PCM1: variants seen among roughly 807,000 people sequenced by gnomAD.
The protein encoded by PCM1 is pericentriolar material 1 protein.
PCM1 carries 157 observed loss-of-function variants against 241.9 expected under a neutral mutation model. The ratio of observed to expected loss-of-function variants is 0.65; its 90% CI spans 0.57 to 0.74. The LOEUF is 0.74. Ranked by LOEUF, PCM1 falls within the 30% of genes least tolerant of loss-of-function variation. PCM1 has a pLI of 0.00. For missense variants in PCM1, 3,478 were observed against 2,360.1 expected, an observed-to-expected ratio of 1.47 and a Z score of -9.81; for synonymous variants, 1,085 against 784.9, an observed-to-expected ratio of 1.38 and a Z score of -6.39.
Position 18,027,756 on chromosome 8 carries a change from A to C in PCM1, c.*94A>C. ...AAACATCTGATCTGTATAAAAATGT[A>C]AATTAGTTTGACACTGCTTTTTTGA... is the stretch of plus-strand genomic sequence containing the variant. On this transcript the variant is annotated 3_prime_UTR_variant, in exon 39 of 39. Coordinates refer to ENST00000325083, the MANE Select transcript of PCM1 (RefSeq NM_006197.4). 1.1e-6 allele frequency: 1 copy of C among 886,938 alleles called. No homozygotes were observed. The allele number at this position is 886,938 out of a possible 1,614,324, so 54.9% of individuals were successfully genotyped here. A position where few individuals can be genotyped will look rare whatever the true frequency, so the allele number is the denominator to read the frequency against.
At position 18,026,629 on chromosome 8, in the gene PCM1, G is replaced by C. The variant is rs150547945; in HGVS notation, c.6049+971G>C. ...ATAACTCTAAATATTATGATTCTTA[G>C]TTTTTAAGATGCAGATAATACCTCT... On this transcript the variant is annotated intron_variant, in intron 38 of 38. Transcript: ENST00000325083. Among the ~76,000 whole-genome samples, 622 of 152,122 alleles carry C rather than the reference G, an allele frequency of 4.1e-3. 3 individuals carry two copies. Among genetic ancestry groups the C allele is most frequent in the African/African-American group, 0.014 (573 of 41,494 alleles).
rs912138177 is a variant in PCM1 at position 17,962,598 on chromosome 8, T to A, written c.2463+424T>A. ...AAATAATTTCTGAAGTATATTTGAG[T>A]TCTACTTGTTTCTATTAATAGGCCA... On this transcript the variant is annotated intron_variant, in intron 16 of 38. Transcript: ENST00000325083. Among the ~76,000 whole-genome samples, 3 of 152,106 alleles carry A rather than the reference T, an allele frequency of 2.0e-5. No individual in the cohort carries two copies. The East Asian group carries it at 5.8e-4, about 29-fold the overall frequency.
chr8:17,983,117 C>T (rs567327323), intron 24 of PCM1: 4 of 376,728 alleles, frequency 1.1e-5, no homozygotes, highest in Non-Finnish European at 1.8e-5. Flanking sequence ...TTCAGGCAAA[C>T]AATTTTAAAG....
intron 21 of PCM1, among the ~76,000 whole-genome samples, chr8:17,967,931 A>G (rs1161851971): frequency 6.6e-6 from 1 of 152,112 alleles, no homozygotes; most frequent in East Asian, 1.9e-4. Flanking sequence ...GATGAGTGAC[A>G]CTGATCCTTT....
At position 17,942,127 on chromosome 8, in the gene PCM1, C is replaced by G. The variant is rs78123925; in HGVS notation, c.783+2266C>G. On this transcript the variant is annotated intron_variant, in intron 6 of 38. Coordinates refer to ENST00000325083, the MANE Select transcript of PCM1 (RefSeq NM_006197.4). Reference sequence around the variant, plus strand: ...TATAAATTGCGAGTATAATTTATAACACGTTCTTAAACCTTGACCATCAGT... The same window carrying G: ...TATAAATTGCGAGTATAATTTATAAGACGTTCTTAAACCTTGACCATCAGT... Among the ~76,000 whole-genome samples, 1,474 of 152,062 alleles carry G rather than the reference C, an allele frequency of 9.7e-3. 20 individuals are homozygous for G. The highest frequency in any genetic ancestry group is 0.032 in the African/African-American group (1,336 of 41,472).
intron 36 of PCM1, among the ~76,000 whole-genome samples, chr8:18,017,411 C>T (rs2129486966): frequency 6.6e-6 from 1 of 152,272 alleles, no homozygotes; most frequent in East Asian, 1.9e-4. Context: ...CTATATTAGT[C>T]ACCATAGCTG....
At chr8:18,019,758 TC>T (rs965548556) in intron 36 of PCM1, among the ~76,000 whole-genome samples, 1 of 152,014 alleles carries the variant, frequency 6.6e-6, no homozygotes. Flanking sequence ...GCTCGCTGGC[TC>T]CCCCCACCAC....
intron 18 of PCM1, 49 bp downstream of exon 18, chr8:17,964,817 T>G (rs1350777309): frequency 7.1e-7 from 1 of 1,400,968 alleles, no homozygotes; most frequent in South Asian, 1.2e-5. Flanking sequence ...GGCTCAGGTC[T>G]TTTTGACTGA....
At chr8:18,004,433 T>C (rs184038373) in intron 29 of PCM1, among the ~76,000 whole-genome samples, 17 of 152,298 alleles carry the variant, frequency 1.1e-4, no homozygotes, top group Non-Finnish European at 2.1e-4. Flanking sequence ...ACAACACTTA[T>C]CTTGTCACCT....
In PCM1 at chr8:17,937,282, C is replaced by A. The variant is rs1054753707; in HGVS notation, c.245C>A (p.Thr82Lys). The stretch of plus-strand genomic sequence containing the variant: ...AGGCGAAGAACAAAGACTCCACATA[C>A]GTTCCCACACAGTAGATACATGAGT... ...VGRRRTKTPH[T>K]FPHSRYMSQM... is the part of the protein sequence containing the mutation. Residue 82 changes from threonine to lysine, a missense_variant, in exon 4 of 39, where the codon ACG becomes AAG. Coordinates refer to ENST00000325083, the MANE Select transcript of PCM1 (RefSeq NM_006197.4). The A allele has an allele frequency of 6.2e-7, 1 of 1,609,716 alleles. No individual in the cohort carries two copies. The highest frequency in any genetic ancestry group is 1.1e-5 in the South Asian group (1 of 90,556).
At position 17,937,150 on chromosome 8, in the gene PCM1, A is replaced by G; in HGVS notation, c.113A>G (p.Gln38Arg). The G allele has an allele frequency of 6.4e-7, 1 of 1,566,724 alleles. No homozygotes were observed. The part of the protein sequence containing the change: ...RLNNMDWGAQ[Q>R]KKANRSSEKN... ...TTTTTAAAGGATTGGGGTGCCCAAC[A>G]GAAGAAAGCAAATAGATCATCAGAA... The change falls in exon 4 of 39, where the codon CAG (glutamine) becomes CGG (arginine). Residue 38 changes from glutamine (Q) to arginine (R), a missense_variant. Physicochemically the swap from Gln to Arg is conservative, Grantham distance 43. Transcript: ENST00000325083.
intron 6 of PCM1, among the ~76,000 whole-genome samples, chr8:17,941,409 T>TA (rs1478716111): frequency 6.6e-6 from 1 of 152,190 alleles, no homozygotes; most frequent in East Asian, 1.9e-4. Context: ...AACTGTGTGG[T>TA]ATGGTAATTC....
chr8:18,026,281 C>T (rs1182199094), intron 38 of PCM1, among the ~76,000 whole-genome samples: 3 of 107,218 alleles, frequency 2.8e-5, no homozygotes, highest in Admixed American at 1.2e-4. Flanking sequence ...TTTTTTGAGA[C>T]AGAGTCTCTG....
At chr8:17,944,857 A>G (rs1161953180) in intron 6 of PCM1, among the ~76,000 whole-genome samples, 2 of 152,184 alleles carry the variant, frequency 1.3e-5, no homozygotes, top group East Asian at 3.8e-4. Flanking sequence ...ATTCATTTTT[A>G]GATTAGTGAG....
At chr8:17,932,206 TG>T (rs1039353998) in intron 2 of PCM1, among the ~76,000 whole-genome samples, 3 of 152,302 alleles carry the variant, frequency 2.0e-5, no homozygotes, top group African/African-American at 7.2e-5. Context: ...CATTTAGTGT[TG>T]TTTTTTAATT....
At chr8:18,000,686 A>G (rs1019738266) in intron 29 of PCM1, among the ~76,000 whole-genome samples, 48 of 152,192 alleles carry the variant, frequency 3.2e-4, no homozygotes, top group African/African-American at 1.1e-3. Flanking sequence ...CAGTGGCGCG[A>G]TCTCGGCTCA....
At chr8:17,951,313 C>A (rs142470663) in intron 8 of PCM1, among the ~76,000 whole-genome samples, 168 of 152,310 alleles carry the variant, frequency 1.1e-3, no homozygotes, top group African/African-American at 3.9e-3. Flanking sequence ...GATGCAGTGT[C>A]TCTTGTCTTC....
At chr8:17,942,355 T>C (rs2129451426) in intron 6 of PCM1, among the ~76,000 whole-genome samples, 1 of 150,406 alleles carries the variant, frequency 6.6e-6, no homozygotes, top group South Asian at 2.1e-4. Context: ...TAATCCCAGC[T>C]ACTCAGGAGG....
intron 23 of PCM1, chr8:17,980,381 T>C (rs2080287628): frequency 2.5e-6 from 1 of 399,482 alleles, no homozygotes; most frequent in African/African-American, 2.0e-5. Context: ...CAAAGAACAG[T>C]GAAGGTTAGA....
Sources: gnomAD v4.1 joint callset for allele counts (sites outside exome capture counted in the v4.1 genomes callset) on GRCh38, gnomAD v4.1.1 for gene constraint, MANE v1.5 for transcripts, NCBI Gene and HGNC (gene_info 2026-07-23, HGNC 2026-07-21) for gene names.